The following LRP2 variants were observed in gnomAD, a reference collection of about 807,000 sequenced individuals.
The protein encoded by LRP2 is LDL receptor related protein 2.
LRP2 carries 172 observed loss-of-function variants against 531.0 expected under a neutral mutation model. That is an observed-to-expected ratio of 0.32 (90% CI 0.29 to 0.37). The LOEUF (loss-of-function observed/expected upper bound fraction) is 0.37. Ranked by LOEUF, LRP2 falls within the 10% of genes least tolerant of loss-of-function variation. The pLI is 1.00. For missense variants in LRP2, 5,167 were observed against 5,868.3 expected, an observed-to-expected ratio of 0.88 and a Z score of 3.90; for synonymous variants, 1,992 against 2,027.6, an observed-to-expected ratio of 0.98 and a Z score of 0.47.
intron 67 of LRP2, 71 bp from the exon 68 acceptor site, chr2:169,151,097 G>A: frequency 6.5e-7 from 1 of 1,533,372 alleles, no homozygotes; most frequent in Non-Finnish European, 9.0e-7. Context: ...GAGGTTTGAA[G>A]ATGAGAGCAT....
At chr2:169,137,880 G>A (rs931997982) in intron 75 of LRP2, among the ~76,000 whole-genome samples, 4 of 151,996 alleles carry the variant, frequency 2.6e-5, no homozygotes, top group East Asian at 1.9e-4. Context: ...AAAAAGAATG[G>A]ATAATATAAT....
rs1282580848 is a variant in LRP2, at chr2:169,138,626, C to T, written c.13469G>A (p.Gly4490Glu). 3 of 1,613,880 alleles carry T rather than the reference C, an allele frequency of 1.9e-6. No individual in the cohort carries two copies. The African/African-American group carries it at 4.0e-5, about 22-fold the overall frequency. The change falls in exon 75 of 79, where the codon GGA (glycine) becomes GAA (glutamate). Residue 4490 changes from glycine to glutamate, a missense_variant. By Grantham distance (98) the Gly-to-Glu change is moderately conservative. Around this residue, in one of 6 missense-constraint regions of LRP2, gnomAD observed 348 missense variants for 369.3 expected, o/e 0.94. Coordinates refer to ENST00000649046, the MANE Select transcript of LRP2 (RefSeq NM_004525.3). Reference sequence around the variant, plus strand: ...AGTCTCAGGTCCAAAACCAGACACTCCAATATCCATGTTAAGATCTGCCCC... The same window carrying T: ...AGTCTCAGGTCCAAAACCAGACACTTCAATATCCATGTTAAGATCTGCCCC... The part of the protein sequence containing the change: ...RSGADLNMDI[G>E]VSGFGPETAI...
At chr2:169,165,704 A>G (rs143599561) in intron 62 of LRP2, among the ~76,000 whole-genome samples, 59 of 152,380 alleles carry the variant, frequency 3.9e-4, no homozygotes, top group African/African-American at 1.3e-3. Context: ...AGACTGAAAA[A>G]TTAATGGATT....
At chr2:169,128,941 T>C in intron 78 of LRP2, 72 bp downstream of exon 78, 7 of 1,532,474 alleles carry the variant, frequency 4.6e-6, no homozygotes, top group Non-Finnish European at 6.3e-6. Flanking sequence ...AATCTAAGTG[T>C]GTGTCCAATT....
chr2:169,362,416 G>T lies in LRP2; in HGVS notation c.-17C>A. 6.5e-7 allele frequency: 1 copy of T among 1,548,630 alleles called. No homozygotes were observed. The highest frequency in any genetic ancestry group is 8.7e-7 in the Non-Finnish European group (1 of 1,148,900). ...GCGATCCATCTCCGCGACGGTCCCC[G>T]GCCTCGCCGTTCCTTCCCCGGGAGG... On this transcript the variant is annotated 5_prime_UTR_variant, in exon 1 of 79. Transcript: ENST00000649046.
chr2:169,197,902 G>C (rs1346259366), intron 45 of LRP2, among the ~76,000 whole-genome samples: 2 of 152,200 alleles, frequency 1.3e-5, no homozygotes, highest in Admixed American at 1.3e-4. Flanking sequence ...GGAGGGGCCA[G>C]TGACAAGAGT....
intron 43 of LRP2, among the ~76,000 whole-genome samples, chr2:169,202,321 G>A (rs11893158): frequency 2.6e-5 from 4 of 152,130 alleles, no homozygotes; most frequent in African/African-American, 7.2e-5. Context: ...TAAAATTTTT[G>A]AAATAATGAC....
At position 169,140,527 on chromosome 2, in the gene LRP2, T is replaced by C; in HGVS notation, c.13127A>G (p.Asn4376Ser). ...ECDAAIELPI[N>S]LPPPCRCMHG... ...CATGCACCTGCATGGGGGGGGCAGGTTGATAGGCAGTTCGATGGCTGCAGG... is the reference window on the plus strand; with the variant it reads ...CATGCACCTGCATGGGGGGGGCAGGCTGATAGGCAGTTCGATGGCTGCAGG... The change falls in exon 72 of 79, where the codon AAC (asparagine) becomes AGC (serine). Residue 4376 changes from asparagine (N) to serine (S), a missense_variant. This residue lies in a region of LRP2 where 348 missense variants were observed against 369.3 expected (regional missense o/e 0.94). Coordinates refer to ENST00000649046, the MANE Select transcript of LRP2 (RefSeq NM_004525.3). 1 of 1,613,830 alleles carries C rather than the reference T, an allele frequency of 6.2e-7. No individual in the cohort carries two copies. Among genetic ancestry groups the C allele is most frequent in the Non-Finnish European group, 8.5e-7 (1 of 1,179,818 alleles).
Position 169,279,464 on chromosome 2 carries a change from T to C in LRP2, c.1473A>G (p.Ile491Met). The C allele has an allele frequency of 1.2e-6, 2 of 1,614,038 alleles. No homozygotes were observed. Among genetic ancestry groups the C allele is most frequent in the African/African-American group, 1.3e-5 (1 of 75,042 alleles). Reference protein sequence around the residue: ...IYLVETKVNRIDMVNLDGSYR... With the variant: ...IYLVETKVNRMDMVNLDGSYR... ...AGCTTCCATCCAAATTTACCATATC[T>C]ATGCGGTTGACCTTGGTTTCCACTA... The change falls in exon 12 of 79, where the codon ATA (isoleucine) becomes ATG (methionine). Residue 491 changes from isoleucine to methionine, a missense_variant. By Grantham distance (10) the Ile-to-Met change is conservative. Coordinates refer to ENST00000649046, the MANE Select transcript of LRP2 (RefSeq NM_004525.3).
At chr2:169,173,389 A>G (rs928020328) in intron 56 of LRP2, among the ~76,000 whole-genome samples, 165 bp from the exon 57 acceptor site, 1 of 152,256 alleles carries the variant, frequency 6.6e-6, no homozygotes, top group Non-Finnish European at 1.5e-5. Flanking sequence ...TACCATGAGC[A>G]GAAAAATAGT....
chr2:169,175,396 A>G lies in LRP2; in HGVS notation c.10572-7T>C. ...CCACCAGATAGGAATGCACCTGCAC[A>G]GAGAACATACAGCACTTCTTTAGCA... On this transcript the variant is annotated splice_region_variant and splice_polypyrimidine_tract_variant and intron_variant, in intron 54 of 78. Coordinates refer to ENST00000649046, the MANE Select transcript of LRP2 (RefSeq NM_004525.3). 2.5e-6 allele frequency: 4 copies of G among 1,613,770 alleles called. No individual in the cohort carries two copies. The highest frequency in any genetic ancestry group is 3.4e-6 in the Non-Finnish European group (4 of 1,179,832).
chr2:169,135,852 A>G (rs892264602), intron 76 of LRP2, among the ~76,000 whole-genome samples: 2 of 152,040 alleles, frequency 1.3e-5, no homozygotes, highest in Admixed American at 6.6e-5. Context: ...TCATACTCCT[A>G]TTCACCGTTC....
At chr2:169,245,037 T>C in intron 21 of LRP2, 105 bp from the exon 22 acceptor site, 1 of 1,209,628 alleles carries the variant, frequency 8.3e-7, no homozygotes, top group Non-Finnish European at 1.2e-6. Flanking sequence ...GGAGGCATTG[T>C]ATATAATAAG....
chr2:169,246,096 G>GT (rs11448309), intron 21 of LRP2, among the ~76,000 whole-genome samples: 3,670 of 149,864 alleles, frequency 0.024, 59 homozygotes, highest in Admixed American at 0.041. Context: ...TTGTAATTTT[G>GT]TTTTTTTTGT....
chr2:169,269,175 T>C (rs1338494028), intron 16 of LRP2, among the ~76,000 whole-genome samples: 1 of 152,208 alleles, frequency 6.6e-6, no homozygotes, highest in African/African-American at 2.4e-5. Flanking sequence ...ATGGCCATAC[T>C]GCCCAAGGTG....
chr2:169,211,041 T>C (rs1173822441), intron 37 of LRP2, among the ~76,000 whole-genome samples: 1 of 152,178 alleles, frequency 6.6e-6, no homozygotes, highest in Non-Finnish European at 1.5e-5. Flanking sequence ...AAAAAAACTA[T>C]TGAATTTGTC....
intron 1 of LRP2, among the ~76,000 whole-genome samples, chr2:169,325,675 G>A (rs1333211398): frequency 6.6e-6 from 1 of 152,206 alleles, no homozygotes; most frequent in African/African-American, 2.4e-5. Context: ...AATAGTCAAG[G>A]ATTCAGTTAA....
chr2:169,246,804 A>G lies in LRP2; in HGVS notation c.3091T>C (p.Phe1031Leu). Residue 1031 changes from phenylalanine to leucine, a missense_variant, in exon 21 of 79, where the codon TTC becomes CTC. Physicochemically the swap from Phe to Leu is conservative, Grantham distance 22. Around this residue, in one of 6 missense-constraint regions of LRP2, gnomAD observed 2,811 missense variants for 3,058.0 expected, o/e 0.92. Coordinates refer to ENST00000649046, the MANE Select transcript of LRP2 (RefSeq NM_004525.3). Reference sequence around the variant, plus strand: ...ACACATCTGCCATTTTTACAGGGGAAGGAAAATAAGCCACACTGCTCTGTG... The same window carrying G: ...ACACATCTGCCATTTTTACAGGGGAGGGAAAATAAGCCACACTGCTCTGTG... ...PPTEQCGLFS[F>L]PCKNGRCVPN... 6.2e-7 allele frequency: 1 copy of G among 1,614,214 alleles called. No homozygotes were observed. The highest frequency in any genetic ancestry group is 1.1e-5 in the South Asian group (1 of 91,072).
At chr2:169,310,357 T>C (rs1025465083) in intron 3 of LRP2, among the ~76,000 whole-genome samples, 1 of 152,238 alleles carries the variant, frequency 6.6e-6, no homozygotes, top group African/African-American at 2.4e-5. Flanking sequence ...TAGCTCTTAT[T>C]ATTTTGAGAT....
Sources: allele counts gnomAD v4.1 joint callset (sites outside exome capture counted in the v4.1 genomes callset), GRCh38; gene constraint gnomAD v4.1.1; regional missense constraint gnomAD v4.1.1; transcripts MANE v1.5; gene names NCBI Gene and HGNC (gene_info 2026-07-23, HGNC 2026-07-21).